TFG: variants seen among roughly 807,000 people sequenced by gnomAD.
TFG encodes the protein trafficking from ER to golgi regulator.
A neutral mutation model predicts 51.4 loss-of-function variants in TFG; 22 were observed. The observed-to-expected ratio is 0.43, with a 90% confidence interval of 0.31 to 0.61. TFG has a LOEUF of 0.61. TFG is among the 20% of genes least tolerant of loss of function. The probability of loss-of-function intolerance (pLI) is 0.12; values close to 1 mark genes in which losing one functional copy is unlikely to be tolerated. For missense variants in TFG, 419 were observed against 487.7 expected (o/e 0.86, Z 1.33); for synonymous variants, 187 against 165.6 (o/e 1.13, Z -0.99).
rs368491161 is a variant in TFG at position 100,744,959 on chromosome 3, T to C, written c.820+28T>C. ...GAGCAGGTGTTGAAAGGGAGTTGGCTCATGGTTTTTTGTTTCTATACTCAT... is the reference window on the plus strand; with the variant it reads ...GAGCAGGTGTTGAAAGGGAGTTGGCCCATGGTTTTTTGTTTCTATACTCAT... On this transcript the variant is annotated intron_variant, in intron 7 of 7. Transcript: ENST00000240851. 6 of 1,517,102 alleles carry C rather than the reference T, an allele frequency of 4.0e-6. No homozygotes were observed. The African/African-American group carries it at 6.9e-5, about 17-fold the overall frequency. 94.0% of individuals were successfully genotyped at this position (1,517,102 alleles called of 1,614,324 possible). A position where few individuals can be genotyped will look rare whatever the true frequency, so the allele number is the denominator to read the frequency against.
At chr3:100,743,917 T>G (rs1333477484) in intron 6 of TFG, 1 of 152,108 alleles carries the variant, frequency 6.6e-6, no homozygotes, top group Non-Finnish European at 1.5e-5. Flanking sequence ...TTTTAAAGAT[T>G]TAAATACCAG....
intron 2 of TFG, among the ~76,000 whole-genome samples, chr3:100,715,215 A>G (rs2095042330): frequency 6.6e-6 from 1 of 152,234 alleles, no homozygotes; most frequent in South Asian, 2.1e-4. Context: ...GAGTGGTTTA[A>G]TAGTTGAGAA....
At chr3:100,714,052 C>G (rs1324190026) in intron 2 of TFG, among the ~76,000 whole-genome samples, 183 bp downstream of exon 2, 4 of 151,964 alleles carry the variant, frequency 2.6e-5, no homozygotes, top group Admixed American at 2.0e-4. Flanking sequence ...CATGAACTGC[C>G]ATGCCTGACC....
In TFG at chr3:100,736,580, A is replaced by T. The variant is rs1203383604; in HGVS notation, c.585A>T (p.Pro195=). 6.2e-7 allele frequency: 1 copy of T among 1,613,686 alleles called. No homozygotes were observed. The highest frequency in any genetic ancestry group is 1.3e-5 in the African/African-American group (1 of 74,856). ...GACTTTTTTTTGACTATCCAGGGCC[A>T]CCCAGTGCTCCTGCAGAAGATCGTT... The part of the protein sequence containing the change: ...FGLTDDQVSG[P]PSAPAEDRSG... Residue 195 remains proline (P), a synonymous_variant, in exon 6 of 8, where the codon CCA becomes CCT. Coordinates refer to ENST00000240851, the MANE Select transcript of TFG (RefSeq NM_006070.6).
chr3:100,713,415 A>G (rs2095036319), intron 1 of TFG, among the ~76,000 whole-genome samples: 1 of 152,248 alleles, frequency 6.6e-6, no homozygotes, highest in African/African-American at 2.4e-5. Flanking sequence ...TGGTCATGTC[A>G]GATGAACAGT....
intron 3 of TFG, among the ~76,000 whole-genome samples, chr3:100,721,035 G>A (rs951381773): frequency 1.2e-4 from 18 of 152,070 alleles, no homozygotes; most frequent in Non-Finnish European, 2.6e-4. Flanking sequence ...CTCCATCTAG[G>A]AAGGATGAAT....
chr3:100,738,288 A>C lies in TFG; in HGVS notation c.721+1572A>C, dbSNP rs1445441819. Among the ~76,000 whole-genome samples the C allele has an allele frequency of 7.9e-5, 12 of 152,254 alleles. 1 individual carries two copies. Among genetic ancestry groups the C allele is most frequent in the Admixed American group, 7.8e-4 (12 of 15,290 alleles). Reference sequence around the variant, plus strand: ...ACAAACTAGAACTAAAGCAGATGTCAGCTGAAATGGACAAAAGCAGAGTAT... The same window carrying C: ...ACAAACTAGAACTAAAGCAGATGTCCGCTGAAATGGACAAAAGCAGAGTAT... On this transcript the variant is annotated intron_variant, in intron 6 of 7. Coordinates refer to ENST00000240851, the MANE Select transcript of TFG (RefSeq NM_006070.6).
chr3:100,724,099 C>G (rs1210283531), intron 3 of TFG, among the ~76,000 whole-genome samples: 1 of 152,074 alleles, frequency 6.6e-6, no homozygotes, highest in East Asian at 1.9e-4. Context: ...TTAGAGAATG[C>G]TAAAGCTGTA....
intron 4 of TFG, among the ~76,000 whole-genome samples, chr3:100,731,297 C>G (rs1225842411): frequency 1.3e-5 from 2 of 152,076 alleles, no homozygotes; most frequent in Admixed American, 6.6e-5. Flanking sequence ...GTATCTTGGA[C>G]TTGGATTCCT....
chr3:100,712,937 A>C (rs1343464842), intron 1 of TFG, among the ~76,000 whole-genome samples: 1 of 152,224 alleles, frequency 6.6e-6, no homozygotes, highest in African/African-American at 2.4e-5. Context: ...AGTGAAGAAG[A>C]GAGGTAGGAA....
Position 100,748,803 on chromosome 3 carries a change from T to G in TFG, c.*272T>G, listed in dbSNP as rs76892252. On this transcript the variant is annotated 3_prime_UTR_variant, in exon 8 of 8. Coordinates refer to ENST00000240851, the MANE Select transcript of TFG (RefSeq NM_006070.6). ...AAAGTGATTGACTTGACTTTCTAGC[T>G]TCCCTTGTCCGGAGGATATTAAAAT... is the stretch of plus-strand genomic sequence containing the variant. 2.4e-3 allele frequency: 883 copies of G among 361,056 alleles called. 9 individuals are homozygous for G. Among genetic ancestry groups the G allele is most frequent in the African/African-American group, 0.017 (809 of 48,570 alleles). 22.4% of individuals were successfully genotyped at this position (361,056 alleles called of 1,614,324 possible).
chr3:100,713,683 A>C lies in TFG; in HGVS notation c.-3A>C, dbSNP rs112647894. On this transcript the variant is annotated 5_prime_UTR_variant, in exon 2 of 8. Transcript: ENST00000240851. ...GTATATATAGAACATCCTGGAGTCCACCATGAACGGACAGTTGGATCTAAG... is the reference window on the plus strand; with the variant it reads ...GTATATATAGAACATCCTGGAGTCCCCCATGAACGGACAGTTGGATCTAAG... The C allele has an allele frequency of 5.0e-6, 8 of 1,594,276 alleles. No homozygotes were observed. The South Asian group carries it at 8.0e-5, about 16-fold the overall frequency.
upstream of TFG, chr3:100,709,467 A>AT (rs561497809): frequency 7.8e-4 from 116 of 148,086 alleles, no homozygotes; most frequent in Middle Eastern, 7.2e-3. Flanking sequence ...GCGAAAGGAC[A>AT]TTTTTTTTTT....
chr3:100,731,880 A>G (rs1010237499), intron 4 of TFG, among the ~76,000 whole-genome samples: 4 of 152,168 alleles, frequency 2.6e-5, no homozygotes, highest in Non-Finnish European at 1.5e-5. Context: ...CAGATCCCAT[A>G]TACATCATTT....
At chr3:100,740,899 A>C (rs571325711) in intron 6 of TFG, among the ~76,000 whole-genome samples, 1 of 152,318 alleles carries the variant, frequency 6.6e-6, no homozygotes, top group South Asian at 2.1e-4. Flanking sequence ...AGTGGACTGC[A>C]TATATGATGG....
At chr3:100,747,056 G>A (rs140990513) in intron 7 of TFG, among the ~76,000 whole-genome samples, 122 of 152,282 alleles carry the variant, frequency 8.0e-4, no homozygotes, top group African/African-American at 2.9e-3. Context: ...TCTTCACTCT[G>A]AGTAAAATTT....
intron 2 of TFG, among the ~76,000 whole-genome samples, chr3:100,718,991 G>A (rs1463637720): frequency 2.6e-5 from 4 of 152,258 alleles, no homozygotes; most frequent in Middle Eastern, 3.4e-3. Flanking sequence ...AAAAGAACAG[G>A]AAGTTTTCTT....
intron 3 of TFG, among the ~76,000 whole-genome samples, chr3:100,721,878 T>A (rs921265847): frequency 6.6e-6 from 1 of 152,202 alleles, no homozygotes; most frequent in Admixed American, 6.5e-5. Context: ...CAGCCGGCCG[T>A]GGTGGCTCAC....
chr3:100,710,456 G>C (rs1390131445), intron 1 of TFG, among the ~76,000 whole-genome samples: 2 of 152,224 alleles, frequency 1.3e-5, no homozygotes, highest in South Asian at 2.1e-4. Context: ...CACTGCCTTT[G>C]AGGCAGGGTT....
Sources: gnomAD v4.1 joint callset for allele counts (sites outside exome capture counted in the v4.1 genomes callset) on GRCh38, gnomAD v4.1.1 for gene constraint, MANE v1.5 for transcripts, NCBI Gene and HGNC (gene_info 2026-07-23, HGNC 2026-07-21) for gene names.